Variants in SLC25A26 observed in about 807,000 individuals in gnomAD.
SLC25A26 encodes mitochondrial S-adenosylmethionine carrier protein.
In SLC25A26, 36 loss-of-function variants were observed where a neutral mutation model predicts 37.8. The observed-to-expected ratio is 0.95, with a 90% CI of 0.73 to 1.26. The LOEUF is 1.26. Among genes scored for constraint, SLC25A26 ranks in the 50% most tolerant of loss-of-function variants. The pLI is 0.00. For synonymous variants in SLC25A26, 129 were observed against 122.5 expected (o/e 1.05, Z -0.35); for missense variants, 390 against 331.1 (o/e 1.18, Z -1.38).
intron 2 of SLC25A26, among the ~76,000 whole-genome samples, chr3:66,241,530 C>A (rs577769458): frequency 6.6e-6 from 1 of 152,130 alleles, no homozygotes; most frequent in African/African-American, 2.4e-5. Flanking sequence ...TTACATTCTT[C>A]CCTCGGGAGT....
intron 1 of SLC25A26, among the ~76,000 whole-genome samples, chr3:66,184,489 C>T (rs2070777223): frequency 9.1e-6 from 1 of 110,208 alleles, no homozygotes. Context: ...CCCTGACACT[C>T]ACAGTGACCA....
chr3:66,175,142 C>CATAT (rs1299442967), intron 1 of SLC25A26, among the ~76,000 whole-genome samples: 2 of 74,094 alleles, frequency 2.7e-5, no homozygotes, highest in African/African-American at 1.2e-4. Flanking sequence ...TATATATATA[C>CATAT]ACACACACAC....
chr3:66,312,901 G>C (rs1256879279), intron 5 of SLC25A26, among the ~76,000 whole-genome samples: 1 of 152,138 alleles, frequency 6.6e-6, no homozygotes, highest in African/African-American at 2.4e-5. Context: ...CCCACCTTCT[G>C]TTATGGCCTT....
At chr3:66,309,628 G>A (rs372634040) in intron 5 of SLC25A26, among the ~76,000 whole-genome samples, 1 of 151,872 alleles carries the variant, frequency 6.6e-6, no homozygotes, top group Non-Finnish European at 1.5e-5. Context: ...TCCCACTTTC[G>A]CCTGTGTGCA....
chr3:66,247,922 A>G (rs1016072319), intron 3 of SLC25A26, among the ~76,000 whole-genome samples: 7 of 152,228 alleles, frequency 4.6e-5, no homozygotes, highest in Non-Finnish European at 7.3e-5. Flanking sequence ...TGTAAAATAA[A>G]AAGAAATAGG....
At chr3:66,208,678 ACACATT>A in intron 1 of SLC25A26, among the ~76,000 whole-genome samples, 2 of 144,770 alleles carry the variant, frequency 1.4e-5, no homozygotes, top group East Asian at 2.0e-4. Context: ...ATATATATAT[ACACATT>A]TATATGGGTA....
At chr3:66,377,596 A>G (rs1700747981) in intron 9 of SLC25A26, 94 bp from the exon 10 acceptor site, 1 of 915,174 alleles carries the variant, frequency 1.1e-6, no homozygotes, top group Non-Finnish European at 1.8e-6. Flanking sequence ...GCCACTAATG[A>G]GCATGGTGTA....
rs1004250488 is a variant in SLC25A26 at position 66,266,576 on chromosome 3, C to CTTTTT, written c.453+3214_453+3218dup. On this transcript the variant is annotated intron_variant, in intron 5 of 9. Transcript: ENST00000354883. The stretch of plus-strand genomic sequence containing the variant: ...TTTAGATTGTGTGAATGTTGTCACA[C>CTTTTT]TTTTTTTTTTTTTTTTTTTTTACTG... Among the ~76,000 whole-genome samples the CTTTTT allele has an allele frequency of 6.2e-3, 686 of 111,486 alleles. 29 individuals are homozygous for CTTTTT. The highest frequency in any genetic ancestry group is 0.022 in the African/African-American group (591 of 26,632). The allele number at this position is 111,486 out of a possible 152,430, so 73.1% of individuals were successfully genotyped here. A position where few individuals can be genotyped will look rare whatever the true frequency, so the allele number is the denominator to read the frequency against.
At chr3:66,363,007 T>G in intron 7 of SLC25A26, 78 bp downstream of exon 7, 2 of 932,610 alleles carry the variant, frequency 2.1e-6, no homozygotes, top group Non-Finnish European at 3.2e-6. Flanking sequence ...AAAAACAACA[T>G]TCTTTAGACA....
intron 1 of SLC25A26, among the ~76,000 whole-genome samples, chr3:66,228,196 A>G (rs913407371): frequency 5.3e-5 from 8 of 152,238 alleles, no homozygotes; most frequent in African/African-American, 9.6e-5. Context: ...GAGAGCACCA[A>G]TCATGCAAGG....
intron 5 of SLC25A26, among the ~76,000 whole-genome samples, chr3:66,276,957 G>GAAAA (rs56071860): frequency 2.4e-5 from 3 of 124,564 alleles, no homozygotes; most frequent in African/African-American, 5.4e-5. Context: ...GGCACTGTTT[G>GAAAA]AAAAAAAAAA....
chr3:66,194,724 C>G (rs1198912065), intron 1 of SLC25A26, among the ~76,000 whole-genome samples: 1 of 152,222 alleles, frequency 6.6e-6, no homozygotes. Context: ...GAGTCAGCCT[C>G]CCGCATAGCT....
intron 9 of SLC25A26, chr3:66,371,204 A>T: frequency 6.6e-7 from 1 of 1,510,170 alleles, no homozygotes; most frequent in East Asian, 2.5e-5. Context: ...TCTCTTAGGG[A>T]CCATATACCA....
chr3:66,192,955 A>T (rs1268521686), intron 1 of SLC25A26, among the ~76,000 whole-genome samples: 2 of 151,446 alleles, frequency 1.3e-5, no homozygotes, highest in Non-Finnish European at 2.9e-5. Flanking sequence ...TGTCTGGAGG[A>T]AAAAAAAAGA....
At chr3:66,358,624 C>G (rs1211979248) in intron 6 of SLC25A26, among the ~76,000 whole-genome samples, 1 of 152,164 alleles carries the variant, frequency 6.6e-6, no homozygotes, top group African/African-American at 2.4e-5. Context: ...GCTGTTTAAT[C>G]TGTGAGTTAC....
At chr3:66,258,773 C>T (rs1042041215) in intron 3 of SLC25A26, among the ~76,000 whole-genome samples, 5 of 151,836 alleles carry the variant, frequency 3.3e-5, no homozygotes, top group Admixed American at 6.6e-5. Flanking sequence ...TTGCCTGAGC[C>T]CAGGAGTTCA....
intron 7 of SLC25A26, among the ~76,000 whole-genome samples, chr3:66,367,458 A>G (rs754247534): frequency 6.6e-5 from 10 of 152,196 alleles, no homozygotes; most frequent in Non-Finnish European, 1.3e-4. Flanking sequence ...CAGCCACAGA[A>G]TAAGTAATTA....
intron 5 of SLC25A26, among the ~76,000 whole-genome samples, chr3:66,285,662 G>T (rs568265216): frequency 4.0e-5 from 6 of 151,680 alleles, no homozygotes; most frequent in African/African-American, 1.5e-4. Flanking sequence ...GTTTTACCCT[G>T]TTAGCAAGGC....
chr3:66,354,173 ATTTTC>A (rs1173189227), intron 6 of SLC25A26, among the ~76,000 whole-genome samples: 2 of 141,852 alleles, frequency 1.4e-5, no homozygotes, highest in South Asian at 2.2e-4. Flanking sequence ...TTTTTTTTCT[ATTTTC>A]TTAGTGTGAG....
Sources: allele counts gnomAD v4.1 joint callset (sites outside exome capture counted in the v4.1 genomes callset), GRCh38; gene constraint gnomAD v4.1.1; transcripts MANE v1.5; gene names NCBI Gene and HGNC (gene_info 2026-07-23, HGNC 2026-07-21).